USP48: variants seen among roughly 807,000 people sequenced by gnomAD.
USP48 encodes the protein ubiquitin carboxyl-terminal hydrolase 48.
A neutral mutation model predicts 150.7 loss-of-function variants in USP48; 43 were observed. That is an observed-to-expected ratio of 0.29 (90% CI 0.22 to 0.37). USP48 has a LOEUF of 0.37. Among genes scored for constraint, USP48 ranks in the 10% least tolerant of loss-of-function variants. USP48 has a pLI of 1.00. For missense variants in USP48, 813 were observed against 1,249.6 expected (o/e 0.65, Z 5.27); for synonymous variants, 396 against 425.9 (o/e 0.93, Z 0.86).
chr1:21,697,544 T>A (rs1307764068), intron 22 of USP48, among the ~76,000 whole-genome samples: 1 of 151,292 alleles, frequency 6.6e-6, no homozygotes, highest in African/African-American at 2.4e-5. Context: ...GCGCCTGTAG[T>A]CCCAGCTACT....
chr1:21,761,262 A>AT (rs919791133), intron 1 of USP48, among the ~76,000 whole-genome samples: 1 of 151,858 alleles, frequency 6.6e-6, no homozygotes, highest in Non-Finnish European at 1.5e-5. Context: ...CTTGCCAGCT[A>AT]TAAGTCAGAA....
Position 21,724,020 on chromosome 1 carries a change from T to C in USP48, c.1526A>G (p.Asn509Ser). ...DESTPTKPID[N>S]HACLCSHDKL... ...GTCATGGGAACACAGGCAAGCGTGA[T>C]TATCAATAGGTTTGGTAGGTGTTGA... The change falls in exon 12 of 27, where the codon AAT (asparagine) becomes AGT (serine). Residue 509 changes from asparagine (N) to serine (S), a missense_variant. Coordinates refer to ENST00000308271, the MANE Select transcript of USP48 (RefSeq NM_032236.8). 6.2e-7 allele frequency: 1 copy of C among 1,614,202 alleles called. No individual in the cohort carries two copies.
chr1:21,741,833 A>G (rs1825307), intron 8 of USP48, among the ~76,000 whole-genome samples: 111,878 of 151,810 alleles, frequency 0.74, 41,702 homozygotes, highest in Admixed American at 0.81. Context: ...AATTAACCAG[A>G]CATGGTACTA....
At chr1:21,776,182 A>G (rs2097897783) in intron 1 of USP48, among the ~76,000 whole-genome samples, 1 of 152,150 alleles carries the variant, frequency 6.6e-6, no homozygotes, top group South Asian at 2.1e-4. Context: ...CACTGTTAAC[A>G]AACAAGTCTG....
chr1:21,735,529 T>C (rs1321321294), intron 9 of USP48, among the ~76,000 whole-genome samples: 2 of 152,182 alleles, frequency 1.3e-5, no homozygotes, highest in African/African-American at 2.4e-5. Context: ...GGCAGGCAGA[T>C]CACTGGAGGC....
At chr1:21,695,311 T>C in intron 22 of USP48, 90 bp from the exon 23 acceptor site, 1 of 1,373,556 alleles carries the variant, frequency 7.3e-7, no homozygotes, top group Admixed American at 2.5e-5. Flanking sequence ...CAAAAGCTGT[T>C]TCCTTATTGG....
At chr1:21,680,164 G>T (rs2097561884) in intron 26 of USP48, among the ~76,000 whole-genome samples, 1 of 152,220 alleles carries the variant, frequency 6.6e-6, no homozygotes, top group Non-Finnish European at 1.5e-5. Context: ...GTGATTCAAA[G>T]TCATTCCTTA....
chr1:21,738,956 C>T (rs1417035333), intron 8 of USP48, among the ~76,000 whole-genome samples: 1 of 152,142 alleles, frequency 6.6e-6, no homozygotes, highest in Non-Finnish European at 1.5e-5. Context: ...ACTGAAGATA[C>T]TGGGTAAGAT....
intron 1 of USP48, among the ~76,000 whole-genome samples, chr1:21,765,182 G>A (rs2097858743): frequency 1.3e-5 from 2 of 152,170 alleles, no homozygotes; most frequent in South Asian, 2.1e-4. Flanking sequence ...ATAATTTAAT[G>A]GGTACTTTGT....
At chr1:21,684,309 A>T (rs1053534428) in intron 25 of USP48, among the ~76,000 whole-genome samples, 5 of 152,172 alleles carry the variant, frequency 3.3e-5, no homozygotes, top group Non-Finnish European at 7.3e-5. Flanking sequence ...TGTCTTTTTG[A>T]TAATAGCCAT....
intron 4 of USP48, 135 bp from the exon 5 acceptor site, chr1:21,752,786 TTCAA>T: frequency 8.2e-7 from 1 of 1,219,322 alleles, no homozygotes; most frequent in East Asian, 2.6e-5. Flanking sequence ...TACAGCTATG[TTCAA>T]TCAGTTTGTG....
intron 19 of USP48, among the ~76,000 whole-genome samples, chr1:21,705,430 C>G (rs578155248): frequency 6.6e-6 from 1 of 152,242 alleles, no homozygotes; most frequent in Non-Finnish European, 1.5e-5. Flanking sequence ...TTCTGTGATT[C>G]TGGAAAAGAG....
chr1:21,707,512 T>C (rs918553034), intron 15 of USP48, among the ~76,000 whole-genome samples: 20 of 152,148 alleles, frequency 1.3e-4, no homozygotes, highest in Non-Finnish European at 2.6e-4. Context: ...TCCCCTTCAA[T>C]CTTCAAAAAT....
chr1:21,728,545 T>G (rs201847416), intron 11 of USP48, 25 bp downstream of exon 11: 10 of 1,608,242 alleles, frequency 6.2e-6, no homozygotes, highest in Non-Finnish European at 8.5e-6. Context: ...ATGGCAACAG[T>G]GCTGTCCCAG....
At chr1:21,701,676 G>T (rs2152515111) in intron 21 of USP48, 74 bp from the exon 22 acceptor site, 1 of 1,230,832 alleles carries the variant, frequency 8.1e-7, no homozygotes, top group Non-Finnish European at 1.2e-6. Flanking sequence ...GTGGGGGCTG[G>T]GACCGGCAAC....
chr1:21,782,887 G>C lies in USP48; in HGVS notation c.71C>G (p.Ser24Trp). 6.4e-7 allele frequency: 1 copy of C among 1,556,986 alleles called. No homozygotes were observed. Among genetic ancestry groups the C allele is most frequent in the Non-Finnish European group, 8.7e-7 (1 of 1,151,888 alleles). The change falls in exon 1 of 27, where the codon TCG becomes TGG. Residue 24 changes from serine (S) to tryptophan (W), a missense_variant. Ser to Trp is a radical substitution (Grantham distance 177, BLOSUM62 -3). Transcript: ENST00000308271. ...WAETVRPEEVSQEHIETAYRI... is the reference protein window; with the variant it reads ...WAETVRPEEVWQEHIETAYRI... ...GTAAGCGGTCTCGATGTGCTCCTGC[G>C]ACACCTCCTCGGGCCGCACCGTCTC...
intron 11 of USP48, among the ~76,000 whole-genome samples, chr1:21,727,690 T>C (rs1327523882): frequency 6.6e-6 from 1 of 152,192 alleles, no homozygotes; most frequent in East Asian, 1.9e-4. Context: ...TCCCAACCCT[T>C]GGACAGAGTT....
intron 8 of USP48, among the ~76,000 whole-genome samples, chr1:21,741,149 A>T (rs1178333155): frequency 6.6e-6 from 1 of 152,244 alleles, no homozygotes; most frequent in African/African-American, 2.4e-5. Flanking sequence ...CAAGTGTTAC[A>T]GCTCTTTTAG....
At chr1:21,772,737 C>T (rs779850736) in intron 1 of USP48, among the ~76,000 whole-genome samples, 12 of 151,594 alleles carry the variant, frequency 7.9e-5, no homozygotes, top group Non-Finnish European at 1.5e-4. Context: ...GCCTGGCCAA[C>T]ATGGTGAAAC....
Sources: allele counts gnomAD v4.1 joint callset (sites outside exome capture counted in the v4.1 genomes callset), GRCh38; gene constraint gnomAD v4.1.1; transcripts MANE v1.5; gene names NCBI Gene and HGNC (gene_info 2026-07-23, HGNC 2026-07-21).